The following RERG variants were observed in gnomAD, a reference collection of about 807,000 sequenced individuals.
RERG encodes the protein RAS like estrogen regulated growth inhibitor.
Under a neutral mutation model 23.2 loss-of-function variants are expected in RERG, and 25 were observed. That is an observed-to-expected ratio of 1.08 (90% CI 0.79 to 1.50). The LOEUF (loss-of-function observed/expected upper bound fraction) is 1.50, where lower values mean the gene tolerates loss of function less well. Among genes scored for constraint, RERG ranks in the 40% most tolerant of loss-of-function variants. RERG has a pLI of 0.00. For synonymous variants in RERG, 81 were observed against 89.1 expected (o/e 0.91, Z 0.51); for missense variants, 253 against 250.1 (o/e 1.01, Z -0.08).
In RERG at chr12:15,179,600, C is replaced by A. The variant is rs796211725; in HGVS notation, c.61+37829G>T. Among the ~76,000 whole-genome samples, 42 of 152,232 alleles carry A rather than the reference C, an allele frequency of 2.8e-4. 1 individual carries two copies. Among genetic ancestry groups the A allele is most frequent in the African/African-American group, 9.6e-4 (40 of 41,556 alleles). ...CTTCCATGTTTAGGTTATATCTTTC[C>A]CCCAAAAATTGTTAGGAAACATTTG... On this transcript the variant is annotated intron_variant, in intron 2 of 4. Transcript: ENST00000256953.
At chr12:15,190,556 G>T (rs1865056235) in intron 2 of RERG, among the ~76,000 whole-genome samples, 1 of 152,058 alleles carries the variant, frequency 6.6e-6, no homozygotes, top group Non-Finnish European at 1.5e-5. Flanking sequence ...TTGATTTGTA[G>T]GTCAACCCAG....
At chr12:15,140,293 AC>A (rs946997718) in intron 2 of RERG, among the ~76,000 whole-genome samples, 2 of 152,010 alleles carry the variant, frequency 1.3e-5, no homozygotes, top group Admixed American at 1.3e-4. Flanking sequence ...AAAGACAGCT[AC>A]CCGGAAACCA....
chr12:15,143,751 G>GT (rs138574420), intron 2 of RERG, among the ~76,000 whole-genome samples: 6,200 of 152,204 alleles, frequency 0.041, 465 homozygotes, highest in African/African-American at 0.14. Context: ...TTATATGGTG[G>GT]TAAGTGCTAT....
intron 2 of RERG, among the ~76,000 whole-genome samples, chr12:15,139,359 T>C (rs562295089): frequency 6.6e-6 from 1 of 152,218 alleles, no homozygotes; most frequent in African/African-American, 2.4e-5. Context: ...ATCTACAAAA[T>C]CAGTTGCTGG....
intron 2 of RERG, among the ~76,000 whole-genome samples, chr12:15,128,125 G>T (rs778186533): frequency 2.6e-4 from 39 of 151,936 alleles, no homozygotes; most frequent in Non-Finnish European, 5.1e-4. Flanking sequence ...TAACGTGAGC[G>T]TACATCTTAT....
intron 2 of RERG, among the ~76,000 whole-genome samples, chr12:15,176,360 G>C (rs182822258): frequency 6.6e-6 from 1 of 151,836 alleles, no homozygotes; most frequent in African/African-American, 2.4e-5. Flanking sequence ...ATATTTCCTC[G>C]TGTTATATAG....
At chr12:15,152,989 A>G (rs1192737199) in intron 2 of RERG, among the ~76,000 whole-genome samples, 2 of 152,322 alleles carry the variant, frequency 1.3e-5, no homozygotes, top group East Asian at 3.9e-4. Flanking sequence ...CTTACCACAC[A>G]TGAACATGAG....
At position 15,205,549 on chromosome 12, in the gene RERG, G is replaced by A. The variant is rs538054792; in HGVS notation, c.61+11880C>T. Among the ~76,000 whole-genome samples, 6 of 152,128 alleles carry A rather than the reference G, an allele frequency of 3.9e-5. No homozygotes were observed. In the South Asian group the frequency reaches 6.2e-4, roughly 16 times the overall value. ...GTATGGCTGAGTCTTCCTTTAAACC[G>A]TCAAACTCAACATGTGTTGCCAAAT... On this transcript the variant is annotated intron_variant, in intron 2 of 4. Coordinates refer to ENST00000256953, the MANE Select transcript of RERG (RefSeq NM_032918.3).
At chr12:15,161,488 A>G (rs1864614756) in intron 2 of RERG, among the ~76,000 whole-genome samples, 1 of 152,058 alleles carries the variant, frequency 6.6e-6, no homozygotes, top group African/African-American at 2.4e-5. Flanking sequence ...CCTTCTTCCC[A>G]TTTACATTTT....
chr12:15,194,480 A>T (rs2136136710), intron 2 of RERG, among the ~76,000 whole-genome samples: 1 of 142,510 alleles, frequency 7.0e-6, no homozygotes, highest in Non-Finnish European at 1.5e-5. Context: ...TTAAAAAACA[A>T]AGAAGAGGAA....
intron 2 of RERG, among the ~76,000 whole-genome samples, chr12:15,166,547 G>A (rs982466640): frequency 2.0e-5 from 3 of 151,464 alleles, no homozygotes; most frequent in East Asian, 1.9e-4. Flanking sequence ...GGTGGTAGTG[G>A]TGTTGGTGGT....
intron 2 of RERG, among the ~76,000 whole-genome samples, chr12:15,210,284 AATAG>A (rs1280602971): frequency 2.0e-5 from 3 of 152,258 alleles, no homozygotes; most frequent in African/African-American, 7.2e-5. Context: ...AAATGGAATT[AATAG>A]ATAGCTGGTA....
chr12:15,192,547 T>C (rs1021318425), intron 2 of RERG, among the ~76,000 whole-genome samples: 5 of 152,200 alleles, frequency 3.3e-5, no homozygotes, highest in African/African-American at 1.2e-4. Context: ...CAGAGAATTA[T>C]GTATTCCTTC....
rs923549615 is a variant in RERG at position 15,161,601 on chromosome 12, GACTC to G, written c.62-40486_62-40483del. 8.5e-4 allele frequency among the ~76,000 whole-genome samples: 130 copies of G among 152,134 alleles called. 1 individual carries two copies. Among genetic ancestry groups the G allele is most frequent in the African/African-American group, 3.0e-3 (126 of 41,406 alleles). ...ATGCATTTTAGAAAACGATTTTAGAGACTCACTCATTCACTTGATTGATTATTTA... is the reference window on the plus strand; with the variant it reads ...ATGCATTTTAGAAAACGATTTTAGAGACTCATTCACTTGATTGATTATTTA... On this transcript the variant is annotated intron_variant, in intron 2 of 4. Transcript: ENST00000256953.
chr12:15,170,940 T>G (rs1161125737), intron 2 of RERG, among the ~76,000 whole-genome samples: 1 of 152,204 alleles, frequency 6.6e-6, no homozygotes, highest in East Asian at 1.9e-4. Context: ...TGCAGACAAT[T>G]CAAGGGAGCT....
chr12:15,218,262 T>G (rs1865470034), intron 1 of RERG, among the ~76,000 whole-genome samples: 2 of 152,192 alleles, frequency 1.3e-5, no homozygotes, highest in Non-Finnish European at 2.9e-5. Context: ...TATGATGACT[T>G]CAAGTAAATT....
intron 2 of RERG, among the ~76,000 whole-genome samples, chr12:15,134,784 G>C (rs1173998415): frequency 6.6e-6 from 1 of 151,818 alleles, no homozygotes; most frequent in Non-Finnish European, 1.5e-5. Flanking sequence ...CCTAATTTTT[G>C]TATTTTGGTA....
intron 2 of RERG, among the ~76,000 whole-genome samples, chr12:15,180,347 G>A (rs774840133): frequency 2.0e-5 from 3 of 152,120 alleles, no homozygotes; most frequent in Non-Finnish European, 2.9e-5. Flanking sequence ...GGGTCATTCA[G>A]TCTCCCAGAA....
At chr12:15,195,191 G>A (rs1459897578) in intron 2 of RERG, among the ~76,000 whole-genome samples, 1 of 152,028 alleles carries the variant, frequency 6.6e-6, no homozygotes, top group Non-Finnish European at 1.5e-5. Context: ...AGATATGATG[G>A]CAGAGTTGAG....
Sources: gnomAD v4.1 joint callset for allele counts (sites outside exome capture counted in the v4.1 genomes callset) on GRCh38, gnomAD v4.1.1 for gene constraint, MANE v1.5 for transcripts, NCBI Gene and HGNC (gene_info 2026-07-23, HGNC 2026-07-21) for gene names.